WIPF2: variants seen among roughly 807,000 people sequenced by gnomAD.
The protein encoded by WIPF2 is WAS/WASL interacting protein family member 2, also known as WAS/WASL-interacting protein family member 2.
WIPF2 carries 23 observed loss-of-function variants against 38.8 expected under a neutral mutation model. The ratio of observed to expected loss-of-function variants is 0.59; its 90% CI spans 0.43 to 0.84. The LOEUF is 0.84. Ranked by LOEUF, WIPF2 falls within the 40% of genes least tolerant of loss-of-function variation. WIPF2 has a pLI of 0.00. For missense variants in WIPF2, 574 were observed against 580.5 expected (o/e 0.99, Z 0.11); for synonymous variants, 210 against 223.2 (o/e 0.94, Z 0.53).
At chr17:40,268,792 A>G (rs560710027) in intron 5 of WIPF2, among the ~76,000 whole-genome samples, 36 of 152,302 alleles carry the variant, frequency 2.4e-4, no homozygotes, top group African/African-American at 8.7e-4. Flanking sequence ...GTCAGAGATC[A>G]TTTGAGTATT....
chr17:40,280,087 A>C lies in WIPF2; in HGVS notation c.*1862A>C, dbSNP rs770717990. The C allele has an allele frequency of 6.6e-6, 1 of 152,138 alleles. No homozygotes were observed. The highest frequency in any genetic ancestry group is 1.5e-5 in the Non-Finnish European group (1 of 68,032). The allele number at this position is 152,138 out of a possible 1,614,324, so 9.4% of individuals were successfully genotyped here. A position where few individuals can be genotyped will look rare whatever the true frequency, so the allele number is the denominator to read the frequency against. ...GGGACAGACCATGATTAGGTCTGTC[A>C]CCAAACTTTTCCTAATCATTTTTTA... On this transcript the variant is annotated 3_prime_UTR_variant, in exon 8 of 8. Transcript: ENST00000323571.
chr17:40,283,577 C>T lies in WIPF2; in HGVS notation c.*5352C>T, dbSNP rs2032597633. 1 of 152,184 alleles carries T rather than the reference C, an allele frequency of 6.6e-6. No homozygotes were observed. The highest frequency in any genetic ancestry group is 2.4e-5 in the African/African-American group (1 of 41,430). 9.4% of individuals were successfully genotyped at this position (152,184 alleles called of 1,614,324 possible). The stretch of plus-strand genomic sequence containing the variant: ...TTATTTTATATTTCCACCTAACTCC[C>T]CTTTGCCCACGATTTCAGGGAACCT... On this transcript the variant is annotated 3_prime_UTR_variant, in exon 8 of 8. Coordinates refer to ENST00000323571, the MANE Select transcript of WIPF2 (RefSeq NM_133264.5).
chr17:40,228,004 C>CTTTTTTTTTTTTTTTTTTTTTTT (rs763198849), intron 1 of WIPF2, among the ~76,000 whole-genome samples: 1 of 119,934 alleles, frequency 8.3e-6, no homozygotes. Flanking sequence ...TTTTATACCT[C>CTTTTTTTTTTTTTTTTTTTTTTT]TTTTTGTTTT....
At chr17:40,245,882 G>A (rs1410450497) in intron 1 of WIPF2, among the ~76,000 whole-genome samples, 1 of 152,094 alleles carries the variant, frequency 6.6e-6, no homozygotes, top group African/African-American at 2.4e-5. Flanking sequence ...TTAAGTTGTG[G>A]ATACTTAATT....
chr17:40,224,484 G>A lies in WIPF2; in HGVS notation c.-70+4992G>A, dbSNP rs1370929358. ...GGATGTCTTGATCTCCTGACCTTGT[G>A]ATCCACCCGCCTCGGCCTCCCAAAG... On this transcript the variant is annotated intron_variant, in intron 1 of 7. Transcript: ENST00000323571. 2.1e-5 allele frequency among the ~76,000 whole-genome samples: 3 copies of A among 144,092 alleles called. No individual in the cohort carries two copies. In the Admixed American group the frequency reaches 2.1e-4, roughly 10 times the overall value. 94.5% of individuals were successfully genotyped at this position (144,092 alleles called of 152,430 possible). A position where few individuals can be genotyped will look rare whatever the true frequency, so the allele number is the denominator to read the frequency against.
chr17:40,221,094 T>C (rs531142236), intron 1 of WIPF2, among the ~76,000 whole-genome samples: 1 of 152,264 alleles, frequency 6.6e-6, no homozygotes, highest in East Asian at 1.9e-4. Context: ...AATTCATATT[T>C]TTTAAAGGAC....
At chr17:40,262,928 T>C (rs1352156059) in intron 4 of WIPF2, among the ~76,000 whole-genome samples, 1 of 152,216 alleles carries the variant, frequency 6.6e-6, no homozygotes, top group Non-Finnish European at 1.5e-5. Flanking sequence ...GAGGACATTA[T>C]ACTAAGTGAA....
intron 1 of WIPF2, among the ~76,000 whole-genome samples, chr17:40,240,182 C>T (rs981094651): frequency 5.3e-5 from 8 of 152,096 alleles, no homozygotes; most frequent in African/African-American, 1.4e-4. Context: ...CTGCCTCAGC[C>T]TCCCAAGTCG....
intron 1 of WIPF2, among the ~76,000 whole-genome samples, chr17:40,222,489 CAA>C (rs1017425952): frequency 6.6e-6 from 1 of 150,654 alleles, no homozygotes; most frequent in East Asian, 2.1e-4. Flanking sequence ...GCCTGGGCAA[CAA>C]GAGCGAAACT....
chr17:40,248,976 G>C (rs559127971), intron 1 of WIPF2, among the ~76,000 whole-genome samples: 4 of 152,314 alleles, frequency 2.6e-5, no homozygotes, highest in African/African-American at 9.6e-5. Flanking sequence ...ATTTTGCTGA[G>C]TGAGGGAGGT....
At chr17:40,237,309 C>T (rs1020642250) in intron 1 of WIPF2, among the ~76,000 whole-genome samples, 26 of 145,962 alleles carry the variant, frequency 1.8e-4, no homozygotes, top group African/African-American at 6.3e-4. Flanking sequence ...GGTGCTATCT[C>T]GGGTCACCGC....
intron 1 of WIPF2, among the ~76,000 whole-genome samples, chr17:40,225,032 G>A (rs148747912): frequency 3.3e-5 from 5 of 152,120 alleles, no homozygotes; most frequent in East Asian, 1.9e-4. Flanking sequence ...TGGATGGGGC[G>A]TTCCATGTCA....
At chr17:40,246,943 C>T (rs1028923238) in intron 1 of WIPF2, among the ~76,000 whole-genome samples, 1 of 151,756 alleles carries the variant, frequency 6.6e-6, no homozygotes, top group African/African-American at 2.4e-5. Flanking sequence ...AACCCCGTCT[C>T]TACTAAAAAT....
chr17:40,273,565 G>T, intron 5 of WIPF2: 2 of 508,962 alleles, frequency 3.9e-6, no homozygotes, highest in South Asian at 5.8e-5. Context: ...ATCAAGAACA[G>T]ATAGGGTTCT....
rs377209312 is a variant in WIPF2, at chr17:40,260,486, C to T, written c.64-49C>T. The T allele has an allele frequency of 1.2e-4, 186 of 1,600,502 alleles. 2 individuals carry two copies. In the Middle Eastern group the frequency reaches 2.0e-3, roughly 17 times the overall value. On this transcript the variant is annotated intron_variant, in intron 2 of 7. Transcript: ENST00000323571. Reference sequence around the variant, plus strand: ...ACAGGCGTGAGCCACCGCACCCGGCCGATAAAGGGAACTCTTTAGGGTGAA... The same window carrying T: ...ACAGGCGTGAGCCACCGCACCCGGCTGATAAAGGGAACTCTTTAGGGTGAA...
chr17:40,248,539 G>C (rs185681513), intron 1 of WIPF2, among the ~76,000 whole-genome samples: 1 of 152,170 alleles, frequency 6.6e-6, no homozygotes, highest in East Asian at 1.9e-4. Context: ...AAGCACATTC[G>C]ATCCTTCTGC....
At position 40,264,831 on chromosome 17, in the gene WIPF2, C is replaced by T. The variant is rs779438224; in HGVS notation, c.655C>T (p.Pro219Ser). 1.9e-6 allele frequency: 3 copies of T among 1,614,082 alleles called. No individual in the cohort carries two copies. In the East Asian group the frequency reaches 6.7e-5, roughly 36 times the overall value. ...LPPTPGQRLHPGREGPPAPPP... is the reference protein window; with the variant it reads ...LPPTPGQRLHSGREGPPAPPP... ...ACCGACGCCTGGACAAAGGCTTCAC[C>T]CTGGTCGAGAGGGACCTCCTGCTCC... is the stretch of plus-strand genomic sequence containing the variant. The change falls in exon 5 of 8, where the codon CCT becomes TCT. Residue 219 changes from proline (P) to serine (S), a missense_variant. By Grantham distance (74) the Pro-to-Ser change is moderately conservative (BLOSUM62 -1). Coordinates refer to ENST00000323571, the MANE Select transcript of WIPF2 (RefSeq NM_133264.5).
At chr17:40,254,394 C>G (rs1364381757) in intron 1 of WIPF2, among the ~76,000 whole-genome samples, 1 of 152,010 alleles carries the variant, frequency 6.6e-6, no homozygotes, top group Non-Finnish European at 1.5e-5. Flanking sequence ...CATCTTGAAC[C>G]TTTCTTGTCA....
chr17:40,272,686 G>T (rs1026877843), intron 5 of WIPF2, among the ~76,000 whole-genome samples: 3 of 152,026 alleles, frequency 2.0e-5, no homozygotes, highest in Non-Finnish European at 2.9e-5. Context: ...GGGAAGGGGG[G>T]ATATCAGAAT....
Sources: allele counts gnomAD v4.1 joint callset (sites outside exome capture counted in the v4.1 genomes callset), GRCh38; gene constraint gnomAD v4.1.1; transcripts MANE v1.5; gene names NCBI Gene and HGNC (gene_info 2026-07-23, HGNC 2026-07-21).